The following CNTN5 variants were observed in gnomAD, a reference collection of about 807,000 sequenced individuals.
CNTN5 encodes the protein contactin 5.
CNTN5 carries 77 observed loss-of-function variants against 129.1 expected under a neutral mutation model. The ratio of observed to expected loss-of-function variants is 0.60; its 90% CI spans 0.50 to 0.72. The LOEUF (loss-of-function observed/expected upper bound fraction) is 0.72, where lower values mean the gene tolerates loss of function less well. Among genes scored for constraint, CNTN5 ranks in the 30% least tolerant of loss-of-function variants. CNTN5 has a pLI of 0.00. For missense variants in CNTN5, 1,478 were observed against 1,328.8 expected, an observed-to-expected ratio of 1.11 and a Z score of -1.75; for synonymous variants, 509 against 465.6, an observed-to-expected ratio of 1.09 and a Z score of -1.20.
Position 99,814,563 on chromosome 11 carries a change from G to C in CNTN5, c.56-4981G>C, listed in dbSNP as rs569803967. Among the ~76,000 whole-genome samples the C allele has an allele frequency of 2.6e-3, 395 of 151,054 alleles. 2 individuals are homozygous for C. The highest frequency in any genetic ancestry group is 7.4e-3 in the African/African-American group (300 of 40,634). ...CAGTTGGACTTAAATTAGCAGGGGA[G>C]AGAGTTAGCCTGGGAAAAAAACAGT... On this transcript the variant is annotated intron_variant, in intron 3 of 24. Transcript: ENST00000524871.
chr11:100,122,282 CAGGAGG>C (rs1565261719), intron 13 of CNTN5, among the ~76,000 whole-genome samples: 2 of 151,942 alleles, frequency 1.3e-5, no homozygotes, highest in African/African-American at 4.8e-5. Flanking sequence ...TGTCCAAGGA[CAGGAGG>C]AGAAGAATGT....
At chr11:100,051,464 CAT>C (rs755144964) in intron 9 of CNTN5, among the ~76,000 whole-genome samples, 16 of 151,796 alleles carry the variant, frequency 1.1e-4, no homozygotes, top group East Asian at 1.9e-4. Flanking sequence ...GAAAACACAA[CAT>C]GTGTGTGATA....
intron 2 of CNTN5, among the ~76,000 whole-genome samples, chr11:99,384,773 T>A (rs1940820256): frequency 6.6e-6 from 1 of 152,194 alleles, no homozygotes; most frequent in East Asian, 1.9e-4. Flanking sequence ...AATTGACAAA[T>A]AATAATTGTA....
intron 2 of CNTN5, among the ~76,000 whole-genome samples, chr11:99,484,922 G>C (rs1008946283): frequency 6.6e-6 from 1 of 152,120 alleles, no homozygotes; most frequent in Non-Finnish European, 1.5e-5. Context: ...GGGCCGGGGA[G>C]AGGGGAGCAT....
chr11:100,002,679 G>A (rs985799578), intron 9 of CNTN5, among the ~76,000 whole-genome samples: 1 of 152,106 alleles, frequency 6.6e-6, no homozygotes, highest in African/African-American at 2.4e-5. Flanking sequence ...TATGTCACAT[G>A]CTAATGCCTG....
intron 1 of CNTN5, among the ~76,000 whole-genome samples, chr11:99,052,057 T>C (rs1299942039): frequency 1.5e-4 from 23 of 151,900 alleles, no homozygotes; most frequent in Admixed American, 1.3e-3. Context: ...AGAGTAGTTA[T>C]GCTAAGGCAG....
chr11:99,180,859 A>C (rs1000420622), intron 1 of CNTN5, among the ~76,000 whole-genome samples: 3 of 152,220 alleles, frequency 2.0e-5, no homozygotes, highest in Admixed American at 2.0e-4. Flanking sequence ...GAGAATTGCC[A>C]GTGATATACA....
At chr11:100,034,173 C>A (rs189220882) in intron 9 of CNTN5, among the ~76,000 whole-genome samples, 31 of 152,276 alleles carry the variant, frequency 2.0e-4, no homozygotes, top group Admixed American at 7.2e-4. Context: ...CTTCTGTATA[C>A]CTCATGTGTA....
chr11:99,188,548 A>G (rs1858470374), intron 1 of CNTN5, among the ~76,000 whole-genome samples: 1 of 151,856 alleles, frequency 6.6e-6, no homozygotes, highest in African/African-American at 2.4e-5. Flanking sequence ...ACAATCTGCA[A>G]TTATTCAAAA....
chr11:99,334,106 T>C (rs1322393862), intron 2 of CNTN5, among the ~76,000 whole-genome samples: 1 of 151,300 alleles, frequency 6.6e-6, no homozygotes, highest in Non-Finnish European at 1.5e-5. Flanking sequence ...ACGCCTTGAG[T>C]GATAAAAATC....
intron 3 of CNTN5, among the ~76,000 whole-genome samples, chr11:99,566,333 A>C (rs1233789877): frequency 6.6e-6 from 1 of 152,184 alleles, no homozygotes; most frequent in East Asian, 1.9e-4. Context: ...AGAAGCCAAG[A>C]GTGTTGGTGC....
intron 8 of CNTN5, among the ~76,000 whole-genome samples, chr11:99,996,026 A>G (rs1421064826): frequency 3.3e-5 from 5 of 152,014 alleles, no homozygotes; most frequent in Admixed American, 3.3e-4. Context: ...CAAACTCATT[A>G]CCTCCAAATT....
chr11:100,068,632 TA>T (rs1191165414), intron 10 of CNTN5, among the ~76,000 whole-genome samples: 1 of 152,168 alleles, frequency 6.6e-6, no homozygotes, highest in Non-Finnish European at 1.5e-5. Context: ...CATTTTAGCA[TA>T]TATGACACAT....
At chr11:100,334,832 C>T (rs1376944829) in intron 21 of CNTN5, among the ~76,000 whole-genome samples, 4 of 152,040 alleles carry the variant, frequency 2.6e-5, no homozygotes, top group African/African-American at 9.7e-5. Flanking sequence ...GCAGTATACA[C>T]TGCTTGGGTG....
At chr11:99,731,654 C>T (rs1943539157) in intron 3 of CNTN5, among the ~76,000 whole-genome samples, 1 of 152,140 alleles carries the variant, frequency 6.6e-6, no homozygotes, top group Non-Finnish European at 1.5e-5. Context: ...TCCACACCAC[C>T]ATCCTCAGTA....
chr11:99,748,829 C>A (rs1944142901), intron 3 of CNTN5, among the ~76,000 whole-genome samples: 2 of 152,188 alleles, frequency 1.3e-5, no homozygotes, highest in African/African-American at 4.8e-5. Context: ...GGCAAATCTT[C>A]TTTACTCACT....
chr11:99,374,690 T>TA (rs967518616), intron 2 of CNTN5, among the ~76,000 whole-genome samples: 14 of 150,452 alleles, frequency 9.3e-5, no homozygotes, highest in Admixed American at 3.3e-4. Flanking sequence ...TCTCAAAAAA[T>TA]AAAAAAAATA....
chr11:99,467,870 T>C (rs987401492), intron 2 of CNTN5, among the ~76,000 whole-genome samples: 1 of 152,144 alleles, frequency 6.6e-6, no homozygotes, highest in Non-Finnish European at 1.5e-5. Context: ...CTCAAGCTGT[T>C]TCCTTCTTCT....
intron 3 of CNTN5, among the ~76,000 whole-genome samples, chr11:99,776,475 GAA>G (rs1352965155): frequency 6.6e-6 from 1 of 151,562 alleles, no homozygotes; most frequent in African/African-American, 2.4e-5. Context: ...TTTGGGAAAA[GAA>G]AGTGGCTATT....
Sources: gnomAD v4.1 joint callset for allele counts (sites outside exome capture counted in the v4.1 genomes callset) on GRCh38, gnomAD v4.1.1 for gene constraint, MANE v1.5 for transcripts, NCBI Gene and HGNC (gene_info 2026-07-23, HGNC 2026-07-21) for gene names.